Variants in TTLL11 observed in about 807,000 individuals in gnomAD.
TTLL11 encodes the protein tubulin tyrosine ligase like 11, also known as tubulin polyglutamylase TTLL11.
In TTLL11, 42 loss-of-function variants were observed where a neutral mutation model predicts 51.7. The ratio of observed to expected loss-of-function variants is 0.81; its 90% CI spans 0.64 to 1.05. The LOEUF is 1.05. Among genes scored for constraint, TTLL11 ranks in the 50% least tolerant of loss-of-function variants. The pLI is 0.00. For missense variants in TTLL11, 799 were observed against 940.4 expected, an observed-to-expected ratio of 0.85 and a Z score of 1.97; for synonymous variants, 381 against 383.5, an observed-to-expected ratio of 0.99 and a Z score of 0.08.
intron 3 of TTLL11, among the ~76,000 whole-genome samples, chr9:122,012,657 T>TACACACACACAC (rs1226373802): frequency 1.7e-5 from 2 of 119,102 alleles, no homozygotes; most frequent in African/African-American, 7.5e-5. Flanking sequence ...GAGGAAAAAA[T>TACACACACACAC]ACACATACAC....
chr9:121,883,267 G>A (rs1028663885), intron 6 of TTLL11, among the ~76,000 whole-genome samples: 1 of 152,168 alleles, frequency 6.6e-6, no homozygotes, highest in African/African-American at 2.4e-5. Flanking sequence ...CTGTAAAATG[G>A]AGATGGACGA....
intron 8 of TTLL11, among the ~76,000 whole-genome samples, chr9:121,855,424 T>C (rs1431373685): frequency 6.6e-6 from 1 of 152,198 alleles, no homozygotes; most frequent in African/African-American, 2.4e-5. Context: ...TTAAGCACCA[T>C]TTTTTCTTCT....
chr9:121,949,629 A>G (rs4837920), intron 6 of TTLL11, among the ~76,000 whole-genome samples: 135,077 of 152,056 alleles, frequency 0.89, 60,817 homozygotes, highest in Non-Finnish European at 0.97. Context: ...GGTGTCTGAC[A>G]CCAAAGCTTG....
intron 6 of TTLL11, among the ~76,000 whole-genome samples, chr9:121,925,428 G>T (rs1030990366): frequency 7.5e-5 from 4 of 53,656 alleles, no homozygotes; most frequent in African/African-American, 2.3e-4. Flanking sequence ...AGCTGCGCCC[G>T]CCCACCCCAC....
At chr9:121,828,137 A>C (rs754193252) in intron 8 of TTLL11, among the ~76,000 whole-genome samples, 6 of 152,018 alleles carry the variant, frequency 3.9e-5, no homozygotes, top group Non-Finnish European at 7.4e-5. Context: ...TGTCCACAGG[A>C]AGATGTATTG....
chr9:121,954,435 A>G (rs1484927919), intron 6 of TTLL11, among the ~76,000 whole-genome samples: 1 of 152,272 alleles, frequency 6.6e-6, no homozygotes, highest in African/African-American at 2.4e-5. Context: ...GAAACCTTGT[A>G]ATATCACTCT....
chr9:121,845,132 T>C (rs1015812356), intron 8 of TTLL11, among the ~76,000 whole-genome samples: 11 of 151,896 alleles, frequency 7.2e-5, no homozygotes, highest in Admixed American at 1.3e-4. Context: ...AGAGGAAAAA[T>C]AATACCTTAC....
chr9:122,052,944 T>A (rs192369412), intron 1 of TTLL11, among the ~76,000 whole-genome samples: 2 of 152,270 alleles, frequency 1.3e-5, no homozygotes, highest in East Asian at 3.9e-4. Context: ...TAGGTGAAAG[T>A]CTGTTTGTGA....
intron 3 of TTLL11, among the ~76,000 whole-genome samples, chr9:122,026,078 C>T (rs1225283710): frequency 6.6e-6 from 1 of 151,978 alleles, no homozygotes; most frequent in Non-Finnish European, 1.5e-5. Context: ...CTACAAAGTG[C>T]AAAGTTATCT....
intron 1 of TTLL11, among the ~76,000 whole-genome samples, chr9:122,066,988 CT>C (rs2131884314): frequency 6.6e-6 from 1 of 152,274 alleles, no homozygotes; most frequent in African/African-American, 2.4e-5. Context: ...ATGGGAGAAA[CT>C]TCCCCCATGA....
At position 121,965,342 on chromosome 9, in the gene TTLL11, A is replaced by G. The variant is rs10985472; in HGVS notation, c.1481+8667T>C. On this transcript the variant is annotated intron_variant, in intron 6 of 8. Coordinates refer to ENST00000321582, the MANE Select transcript of TTLL11 (RefSeq NM_001139442.2). ...GACTGGGAGGCCTCAGGAAACTTAC[A>G]ATCATGGCGGAAGGCAAAGGGGAAG... 2.6e-5 allele frequency among the ~76,000 whole-genome samples: 4 copies of G among 152,366 alleles called. No individual in the cohort carries two copies. The East Asian group carries it at 7.7e-4, about 29-fold the overall frequency.
intron 1 of TTLL11, among the ~76,000 whole-genome samples, chr9:122,073,689 C>T (rs141604620): frequency 1.8e-3 from 279 of 152,278 alleles, no homozygotes; most frequent in Non-Finnish European, 3.4e-3. Flanking sequence ...ACAGCTATCT[C>T]ATGTATCCAG....
chr9:121,873,285 G>A (rs1459075513), intron 6 of TTLL11, among the ~76,000 whole-genome samples: 1 of 151,850 alleles, frequency 6.6e-6, no homozygotes, highest in Non-Finnish European at 1.5e-5. Context: ...GCAAGGTGTT[G>A]CACCTGTATC....
chr9:121,902,557 G>A (rs956651007), intron 6 of TTLL11, among the ~76,000 whole-genome samples: 1 of 151,784 alleles, frequency 6.6e-6, no homozygotes, highest in African/African-American at 2.4e-5. Context: ...CTGGGTTTAT[G>A]CTTGATCTGT....
At chr9:121,977,630 A>G (rs561381910) in intron 4 of TTLL11, among the ~76,000 whole-genome samples, 3 of 151,974 alleles carry the variant, frequency 2.0e-5, no homozygotes, top group East Asian at 3.9e-4. Context: ...TTACTTACTT[A>G]CCTTAGTTCA....
In TTLL11 at chr9:121,842,257, TAA is replaced by T. The variant is rs66633566; in HGVS notation, c.1840+18078_1840+18079del. 4.5e-3 allele frequency among the ~76,000 whole-genome samples: 669 copies of T among 150,210 alleles called. 1 individual carries two copies. Among genetic ancestry groups the T allele is most frequent in the South Asian group, 0.015 (69 of 4,748 alleles). On this transcript the variant is annotated intron_variant, in intron 8 of 8. Coordinates refer to ENST00000321582, the MANE Select transcript of TTLL11 (RefSeq NM_001139442.2). ...CTTTAGGGCTCCCTCTCCTTTTTTT[TAA>T]AAAAAAAAGACACGTGGTCTCTCTC...
chr9:121,993,296 T>C (rs979131932), intron 3 of TTLL11, among the ~76,000 whole-genome samples: 5 of 152,388 alleles, frequency 3.3e-5, no homozygotes, highest in African/African-American at 1.2e-4. Context: ...TGGTAAATCT[T>C]GTCATGTATA....
intron 3 of TTLL11, among the ~76,000 whole-genome samples, chr9:122,025,051 A>G (rs896632324): frequency 6.6e-6 from 1 of 152,176 alleles, no homozygotes; most frequent in African/African-American, 2.4e-5. Flanking sequence ...AAATAAAAAA[A>G]GGCACAGACT....
intron 3 of TTLL11, among the ~76,000 whole-genome samples, chr9:121,991,186 C>T (rs1843101636): frequency 6.6e-6 from 1 of 152,256 alleles, no homozygotes; most frequent in Admixed American, 6.5e-5. Context: ...AGGACATCTG[C>T]ACTCTGGCTT....
Sources: gnomAD v4.1 joint callset for allele counts (sites outside exome capture counted in the v4.1 genomes callset) on GRCh38, gnomAD v4.1.1 for gene constraint, MANE v1.5 for transcripts, NCBI Gene and HGNC (gene_info 2026-07-23, HGNC 2026-07-21) for gene names.